RBFOX1: variants seen among roughly 807,000 people sequenced by gnomAD.
RBFOX1 encodes RNA binding protein fox-1 homolog 1.
In RBFOX1, 8 loss-of-function variants were observed where a neutral mutation model predicts 57.7. That is an observed-to-expected ratio of 0.14 (90% CI 0.08 to 0.25). The LOEUF is 0.25. RBFOX1 is among the 10% of genes least tolerant of loss of function. The pLI is 1.00. For synonymous variants in RBFOX1, 326 were observed against 222.4 expected, an observed-to-expected ratio of 1.47 and a Z score of -4.15; for missense variants, 611 against 548.5, an observed-to-expected ratio of 1.11 and a Z score of -1.14.
intron 1 of RBFOX1, among the ~76,000 whole-genome samples, chr16:6,316,388 T>G (rs1479030867): frequency 6.6e-6 from 1 of 152,226 alleles, no homozygotes; most frequent in African/African-American, 2.4e-5. Context: ...TTTATGAAAT[T>G]TATTACTGCT....
rs74005039 is a variant in RBFOX1, at chr16:6,244,507, C to G, written c.-126-72488C>G. On this transcript the variant is annotated intron_variant, in intron 1 of 15. Coordinates refer to ENST00000550418, the MANE Select transcript of RBFOX1 (RefSeq NM_018723.4). ...TGGCGTGTGTCTCTGTAACTTCATA[C>G]TTTTTTGTTTTTTTGAGATGGAGTC... 4.1e-3 allele frequency among the ~76,000 whole-genome samples: 623 copies of G among 152,114 alleles called. 5 individuals are homozygous for G. The highest frequency in any genetic ancestry group is 0.014 in the African/African-American group (592 of 41,522).
chr16:6,781,673 T>G (rs28773004), intron 3 of RBFOX1, among the ~76,000 whole-genome samples: 16,776 of 152,064 alleles, frequency 0.11, 1,557 homozygotes, highest in African/African-American at 0.24. Context: ...GTCCAGGAAT[T>G]TATCCATTTC....
At chr16:5,729,819 C>A (rs1290348221) in intron 3 of RBFOX1, among the ~76,000 whole-genome samples, 1 of 152,172 alleles carries the variant, frequency 6.6e-6, no homozygotes, top group Admixed American at 6.5e-5. Flanking sequence ...TGGTGACTTT[C>A]ATTGCCTTTG....
intron 4 of RBFOX1, among the ~76,000 whole-genome samples, chr16:7,326,564 T>C (rs1175656816): frequency 6.6e-6 from 1 of 152,120 alleles, no homozygotes; most frequent in African/African-American, 2.4e-5. Flanking sequence ...TAAAATTAAC[T>C]AGCACTTTCT....
At chr16:7,052,861 G>C (rs984193556) in intron 4 of RBFOX1, among the ~76,000 whole-genome samples, 8 of 152,152 alleles carry the variant, frequency 5.3e-5, no homozygotes, top group Non-Finnish European at 1.0e-4. Context: ...TTTAGATTAT[G>C]ATTGGTGTAT....
chr16:6,064,611 G>A (rs1258618441), intron 1 of RBFOX1, among the ~76,000 whole-genome samples: 1 of 151,906 alleles, frequency 6.6e-6, no homozygotes, highest in East Asian at 1.9e-4. Context: ...TGCGATCTCG[G>A]CTCACTGCAA....
At chr16:7,021,131 A>C (rs1283729146) in intron 3 of RBFOX1, among the ~76,000 whole-genome samples, 2 of 152,048 alleles carry the variant, frequency 1.3e-5, no homozygotes, top group African/African-American at 4.8e-5. Context: ...CTTTTTCAAA[A>C]AAATTGTTTT....
chr16:5,609,297 G>A (rs2047692978), intron 3 of RBFOX1, among the ~76,000 whole-genome samples: 1 of 152,184 alleles, frequency 6.6e-6, no homozygotes. Context: ...TATTTTAAAT[G>A]TGAATTTCCA....
At chr16:7,649,491 T>G (rs933171273) in intron 11 of RBFOX1, among the ~76,000 whole-genome samples, 1 of 152,242 alleles carries the variant, frequency 6.6e-6, no homozygotes, top group Non-Finnish European at 1.5e-5. Flanking sequence ...GGCCTCATTT[T>G]TCCTAGCCTT....
At chr16:6,597,699 G>A (rs1265138237) in intron 2 of RBFOX1, among the ~76,000 whole-genome samples, 2 of 151,972 alleles carry the variant, frequency 1.3e-5, no homozygotes, top group South Asian at 4.2e-4. Flanking sequence ...CCAAAAAACA[G>A]GGACCCAATT....
chr16:5,327,750 T>A (rs1399732888), intron 1 of RBFOX1, among the ~76,000 whole-genome samples: 3 of 152,210 alleles, frequency 2.0e-5, no homozygotes, highest in African/African-American at 7.2e-5. Flanking sequence ...TGAGAGTCTC[T>A]TACCTCATTA....
In RBFOX1 at chr16:5,795,168, G is replaced by A. The variant is rs576282855; in HGVS notation, c.319-72135G>A. Reference sequence around the variant, plus strand: ...ATGGATCTGAAACACCTCACGAAAGGCCTAACCCATAAATGTCAAGAAATG... The same window carrying A: ...ATGGATCTGAAACACCTCACGAAAGACCTAACCCATAAATGTCAAGAAATG... On this transcript the variant is annotated intron_variant, in intron 3 of 19. Transcript: ENST00000641259. Among the ~76,000 whole-genome samples, 7 of 152,148 alleles carry A rather than the reference G, an allele frequency of 4.6e-5. No homozygotes were observed. In the South Asian group the frequency reaches 1.2e-3, roughly 27 times the overall value.
intron 1 of RBFOX1, among the ~76,000 whole-genome samples, chr16:6,265,464 G>A (rs773745700): frequency 5.3e-5 from 8 of 152,110 alleles, no homozygotes; most frequent in Non-Finnish European, 1.0e-4. Context: ...GTTTCACCAT[G>A]TTGGCCAGGC....
At chr16:6,017,880 TATA>T (rs549487538), upstream of RBFOX1, among the ~76,000 whole-genome samples, 283 of 152,258 alleles carry the variant, frequency 1.9e-3, 2 homozygotes, top group African/African-American at 6.7e-3. Flanking sequence ...CAGCATTTCT[TATA>T]AGAGGATCCA....
chr16:6,714,978 C>T (rs560985845), intron 3 of RBFOX1, among the ~76,000 whole-genome samples: 6 of 152,052 alleles, frequency 3.9e-5, no homozygotes, highest in African/African-American at 1.2e-4. Flanking sequence ...GGTTAAGCCT[C>T]GAAGATGGGT....
intron 4 of RBFOX1, among the ~76,000 whole-genome samples, chr16:7,406,890 T>G (rs2098350850): frequency 6.6e-6 from 1 of 152,194 alleles, no homozygotes; most frequent in Non-Finnish European, 1.5e-5. Context: ...CCTGCTTTCC[T>G]TGGCTCATGG....
At chr16:7,075,185 A>G (rs1360730765) in intron 4 of RBFOX1, among the ~76,000 whole-genome samples, 3 of 152,196 alleles carry the variant, frequency 2.0e-5, no homozygotes, top group Non-Finnish European at 1.5e-5. Flanking sequence ...ATAGGTACAG[A>G]CTGCAGTGAT....
intron 3 of RBFOX1, among the ~76,000 whole-genome samples, chr16:5,791,438 G>C (rs895448473): frequency 6.6e-5 from 10 of 152,200 alleles, no homozygotes; most frequent in African/African-American, 1.9e-4. Context: ...CCTAGGATCT[G>C]GGTACTAATA....
chr16:7,091,569 C>T (rs2060862065), intron 4 of RBFOX1, among the ~76,000 whole-genome samples: 4 of 151,964 alleles, frequency 2.6e-5, no homozygotes, highest in African/African-American at 9.7e-5. Context: ...ATTTTTTCTA[C>T]AGGATCCTGA....
Sources: gnomAD v4.1 joint callset for allele counts (sites outside exome capture counted in the v4.1 genomes callset) on GRCh38, gnomAD v4.1.1 for gene constraint, MANE v1.5 for transcripts, NCBI Gene and HGNC (gene_info 2026-07-23, HGNC 2026-07-21) for gene names.